The following CDYL2 variants were observed in gnomAD, a reference collection of about 807,000 sequenced individuals.
CDYL2 encodes chromodomain Y like 2.
CDYL2 carries 23 observed loss-of-function variants against 49.4 expected under a neutral mutation model. That is an observed-to-expected ratio of 0.47 (90% CI 0.34 to 0.66). The LOEUF (loss-of-function observed/expected upper bound fraction) is 0.66, where lower values mean the gene tolerates loss of function less well. CDYL2 is among the 30% of genes least tolerant of loss of function. The probability of loss-of-function intolerance (pLI) is 0.01; values close to 1 mark genes in which losing one functional copy is unlikely to be tolerated. For missense variants in CDYL2, 678 were observed against 656.4 expected, an observed-to-expected ratio of 1.03 and a Z score of -0.36; for synonymous variants, 360 against 268.8, an observed-to-expected ratio of 1.34 and a Z score of -3.32.
chr16:80,743,640 C>A (rs1409746713), intron 1 of CDYL2, among the ~76,000 whole-genome samples: 2 of 152,134 alleles, frequency 1.3e-5, no homozygotes, highest in Admixed American at 6.5e-5. Context: ...CATCTTAATG[C>A]AAGTAAGATT....
chr16:80,644,614 A>C (rs1319530010), intron 2 of CDYL2, among the ~76,000 whole-genome samples: 1 of 152,196 alleles, frequency 6.6e-6, no homozygotes, highest in African/African-American at 2.4e-5. Flanking sequence ...GTGGCAAGAG[A>C]AAATGAGGAA....
At chr16:80,677,718 G>A (rs1249924176) in intron 2 of CDYL2, among the ~76,000 whole-genome samples, 7 of 150,760 alleles carry the variant, frequency 4.6e-5, no homozygotes, top group Non-Finnish European at 8.9e-5. Flanking sequence ...CAGCCTGGGC[G>A]ACAGAGCGAG....
At chr16:80,697,936 G>T (rs1261897814) in intron 1 of CDYL2, among the ~76,000 whole-genome samples, 6 of 152,070 alleles carry the variant, frequency 3.9e-5, no homozygotes, top group African/African-American at 7.2e-5. Context: ...CATGTTCATG[G>T]ATTGGAAGAA....
chr16:80,699,556 C>T (rs1010023884), intron 1 of CDYL2, among the ~76,000 whole-genome samples: 3 of 152,124 alleles, frequency 2.0e-5, no homozygotes, highest in African/African-American at 7.2e-5. Context: ...TTAATAAATA[C>T]AAAATCACAG....
intron 1 of CDYL2, among the ~76,000 whole-genome samples, chr16:80,759,124 A>ATATATATATATATATATATATGGTT (rs1567597509): frequency 1.5e-5 from 2 of 133,202 alleles, no homozygotes; most frequent in African/African-American, 5.8e-5. Flanking sequence ...ATATATATAT[A>ATATATATATATATATATATATGGTT]TATATATATA....
intron 1 of CDYL2, among the ~76,000 whole-genome samples, chr16:80,797,973 C>T (rs147734220): frequency 2.1e-3 from 316 of 152,264 alleles, no homozygotes; most frequent in African/African-American, 6.9e-3. Context: ...GACCCTTGAA[C>T]AAAAGAGTTT....
chr16:80,780,499 G>T (rs149444477), intron 1 of CDYL2, among the ~76,000 whole-genome samples: 2,632 of 145,972 alleles, frequency 0.018, 75 homozygotes, highest in African/African-American at 0.063. Flanking sequence ...CCGCCTCCCA[G>T]GTTCACGCCA....
Position 80,740,962 on chromosome 16 carries a change from C to T in CDYL2, c.25-55833G>A, listed in dbSNP as rs74927176. On this transcript the variant is annotated intron_variant, in intron 1 of 6. Coordinates refer to ENST00000570137, the MANE Select transcript of CDYL2 (RefSeq NM_152342.4). ...AAAGCAATTTCAATCAAAACCCCATCTGGATTTTTTAAACTTGACAAGTTT... is the reference window on the plus strand; with the variant it reads ...AAAGCAATTTCAATCAAAACCCCATTTGGATTTTTTAAACTTGACAAGTTT... Among the ~76,000 whole-genome samples the T allele has an allele frequency of 2.5e-4, 38 of 151,738 alleles. No homozygotes were observed. In the East Asian group the frequency reaches 6.8e-3, roughly 27 times the overall value.
chr16:80,740,604 T>C (rs542367536), intron 1 of CDYL2, among the ~76,000 whole-genome samples: 1 of 152,350 alleles, frequency 6.6e-6, no homozygotes, highest in Non-Finnish European at 1.5e-5. Flanking sequence ...TACACAGTCA[T>C]ATATCTTCAC....
At chr16:80,726,632 T>C (rs750032372) in intron 1 of CDYL2, among the ~76,000 whole-genome samples, 3 of 152,182 alleles carry the variant, frequency 2.0e-5, no homozygotes, top group Non-Finnish European at 2.9e-5. Flanking sequence ...AGCATTCAGA[T>C]CTTGGTTCTA....
At position 80,712,215 on chromosome 16, in the gene CDYL2, A is replaced by ATATATATATATATCTCTC. The variant is rs763194077; in HGVS notation, c.25-27087_25-27086insGAGAGATATATATATATA. On this transcript the variant is annotated intron_variant, in intron 1 of 6. Transcript: ENST00000570137. The stretch of plus-strand genomic sequence containing the variant: ...TGTATATATATATATATATATATAT[A>ATATATATATATATCTCTC]TCTCCAAACCACTGCTCACTGTGAT... Among the ~76,000 whole-genome samples the ATATATATATATATCTCTC allele has an allele frequency of 2.4e-3, 308 of 128,364 alleles. 1 individual carries two copies. Among genetic ancestry groups the ATATATATATATATCTCTC allele is most frequent in the Non-Finnish European group, 4.5e-3 (256 of 56,970 alleles). 84.2% of individuals were successfully genotyped at this position (128,364 alleles called of 152,430 possible).
At chr16:80,642,181 G>T (rs1382618455) in intron 2 of CDYL2, among the ~76,000 whole-genome samples, 2 of 152,168 alleles carry the variant, frequency 1.3e-5, no homozygotes, top group East Asian at 1.9e-4. Flanking sequence ...GGTGGCTCAC[G>T]CCTGTAATCC....
chr16:80,702,537 G>A (rs1311018744), intron 1 of CDYL2, among the ~76,000 whole-genome samples: 4 of 152,092 alleles, frequency 2.6e-5, no homozygotes, highest in South Asian at 2.1e-4. Flanking sequence ...ATTGTTTGAG[G>A]CCAGGAGTTT....
chr16:80,707,680 A>G (rs776105765), intron 1 of CDYL2, among the ~76,000 whole-genome samples: 2 of 152,128 alleles, frequency 1.3e-5, no homozygotes, highest in African/African-American at 2.4e-5. Flanking sequence ...CCAATGCTTA[A>G]GTCATAATCC....
intron 1 of CDYL2, among the ~76,000 whole-genome samples, chr16:80,732,161 C>T (rs1486063464): frequency 1.3e-5 from 2 of 152,168 alleles, no homozygotes; most frequent in Non-Finnish European, 2.9e-5. Flanking sequence ...GTGTGGATGA[C>T]ACTGAATAAT....
intron 2 of CDYL2, among the ~76,000 whole-genome samples, chr16:80,669,730 C>T (rs1337035391): frequency 6.6e-6 from 1 of 152,194 alleles, no homozygotes; most frequent in Non-Finnish European, 1.5e-5. Flanking sequence ...CTGTGTTCTC[C>T]CTCCCTGCAT....
At chr16:80,683,294 C>A (rs530437188) in intron 2 of CDYL2, among the ~76,000 whole-genome samples, 1 of 152,318 alleles carries the variant, frequency 6.6e-6, no homozygotes, top group East Asian at 1.9e-4. Context: ...GCCAAAGAGA[C>A]AAATGCCACC....
chr16:80,775,365 A>T (rs966149192), intron 1 of CDYL2, among the ~76,000 whole-genome samples: 5 of 151,942 alleles, frequency 3.3e-5, no homozygotes, highest in African/African-American at 1.2e-4. Context: ...AAATCTGTAT[A>T]TACAGTTTAA....
In CDYL2 at chr16:80,763,046, T is replaced by C. The variant is rs574325639; in HGVS notation, c.24+41104A>G. Among the ~76,000 whole-genome samples, 9 of 152,252 alleles carry C rather than the reference T, an allele frequency of 5.9e-5. No individual in the cohort carries two copies. The South Asian group carries it at 1.9e-3, about 32-fold the overall frequency. On this transcript the variant is annotated intron_variant, in intron 1 of 6. Transcript: ENST00000570137. Reference sequence around the variant, plus strand: ...CATTGTGACCAGAGGCTTACAACTGTAGTCCCAGCTACTTGGGAGGCTGAG... The same window carrying C: ...CATTGTGACCAGAGGCTTACAACTGCAGTCCCAGCTACTTGGGAGGCTGAG...
Sources: allele counts gnomAD v4.1 joint callset (sites outside exome capture counted in the v4.1 genomes callset), GRCh38; gene constraint gnomAD v4.1.1; transcripts MANE v1.5; gene names NCBI Gene and HGNC (gene_info 2026-07-23, HGNC 2026-07-21).